Variants in PTPRN2 observed in about 807,000 individuals in gnomAD.
PTPRN2 encodes the protein protein tyrosine phosphatase receptor type N2, also known as receptor-type tyrosine-protein phosphatase N2.
A neutral mutation model predicts 118.8 loss-of-function variants in PTPRN2; 74 were observed. The observed-to-expected ratio is 0.62, with a 90% CI of 0.52 to 0.76. The LOEUF (loss-of-function observed/expected upper bound fraction) is 0.76. PTPRN2 is among the 30% of genes least tolerant of loss of function. The pLI, the probability that PTPRN2 is intolerant of heterozygous loss-of-function variation, is 0.00. For synonymous variants in PTPRN2, 641 were observed against 608.0 expected (o/e 1.05, Z -0.80); for missense variants, 1,481 against 1,394.4 (o/e 1.06, Z -0.99).
intron 3 of PTPRN2, among the ~76,000 whole-genome samples, chr7:158,298,992 AG>A (rs1800684828): frequency 6.6e-6 from 1 of 152,192 alleles, no homozygotes. Flanking sequence ...GGAACCGCAC[AG>A]GAAGGAGGGT....
intron 18 of PTPRN2, 136 bp from the exon 19 acceptor site, chr7:157,576,915 GT>G: frequency 2.2e-6 from 2 of 920,034 alleles, no homozygotes; most frequent in Non-Finnish European, 3.2e-6. Context: ...TACAGCGCAG[GT>G]GGGTTCCCTC....
At chr7:158,171,481 T>A (rs941946929) in intron 5 of PTPRN2, among the ~76,000 whole-genome samples, 1 of 151,644 alleles carries the variant, frequency 6.6e-6, no homozygotes, top group Non-Finnish European at 1.5e-5. Context: ...CCTGAGCAGC[T>A]GGGATTACAG....
At chr7:157,980,019 CA>C (rs1356822304) in intron 11 of PTPRN2, among the ~76,000 whole-genome samples, 1 of 152,198 alleles carries the variant, frequency 6.6e-6, no homozygotes, top group Admixed American at 6.5e-5. Flanking sequence ...AAGGATCCCC[CA>C]AAAGCCTCAT....
intron 2 of PTPRN2, among the ~76,000 whole-genome samples, chr7:158,422,955 G>T (rs1377374): frequency 0.43 from 65,472 of 152,120 alleles, 14,701 homozygotes; most frequent in Non-Finnish European, 0.49. Flanking sequence ...GCTCTCCAGA[G>T]ATAAAGCGAG....
intron 11 of PTPRN2, among the ~76,000 whole-genome samples, chr7:158,014,293 C>A (rs1289488293): frequency 6.7e-6 from 1 of 150,326 alleles, no homozygotes; most frequent in Non-Finnish European, 1.5e-5. Flanking sequence ...TCTATGCATT[C>A]ATCAACCAGC....
intron 11 of PTPRN2, among the ~76,000 whole-genome samples, chr7:157,983,813 G>A (rs1208846793): frequency 6.6e-6 from 1 of 151,986 alleles, no homozygotes. Context: ...AAATTGTCTG[G>A]ACGTAATGCA....
chr7:158,134,244 G>A (rs1585561568), intron 8 of PTPRN2, among the ~76,000 whole-genome samples, 185 bp from the exon 9 acceptor site: 2 of 152,262 alleles, frequency 1.3e-5, no homozygotes, highest in East Asian at 1.9e-4. Context: ...AGCATGAGGT[G>A]TGAGGGCGCT....
intron 3 of PTPRN2, among the ~76,000 whole-genome samples, chr7:158,215,185 A>G (rs1459740408): frequency 6.6e-6 from 1 of 152,248 alleles, no homozygotes; most frequent in African/African-American, 2.4e-5. Flanking sequence ...ATAAAAGCCA[A>G]ATTGAAATAT....
intron 12 of PTPRN2, among the ~76,000 whole-genome samples, chr7:157,775,316 CA>C (rs1563094997): frequency 6.6e-6 from 1 of 152,220 alleles, no homozygotes; most frequent in African/African-American, 2.4e-5. Flanking sequence ...CACCCAAATT[CA>C]TGAGCCGCAG....
chr7:158,049,182 G>A (rs796309978), intron 11 of PTPRN2, among the ~76,000 whole-genome samples: 2 of 27,308 alleles, frequency 7.3e-5, no homozygotes, highest in East Asian at 2.4e-3. Context: ...TGCCACCATC[G>A]CCATCAACAG....
At chr7:157,761,269 C>CA (rs1466204418) in intron 12 of PTPRN2, among the ~76,000 whole-genome samples, 1 of 152,014 alleles carries the variant, frequency 6.6e-6, no homozygotes, top group African/African-American at 2.4e-5. Flanking sequence ...CATATGGAAT[C>CA]AAAAAAGAGC....
chr7:157,849,338 C>T (rs541132914), intron 12 of PTPRN2, among the ~76,000 whole-genome samples: 198 of 152,242 alleles, frequency 1.3e-3, no homozygotes, highest in African/African-American at 3.9e-3. Flanking sequence ...CCGGAAGTTG[C>T]GATTCATGTC....
rs1386301441 is a variant in PTPRN2 at position 157,560,736 on chromosome 7, A to T, written c.2902+8166T>A. The stretch of plus-strand genomic sequence containing the variant: ...CCCCTTCCCTCCTCCCACCTCACCC[A>T]ATTCTGGGCACTTTTTCAGCCTGAA... On this transcript the variant is annotated intron_variant, in intron 21 of 22. Transcript: ENST00000389418. The surrounding 1 kb of genome is among the most constrained non-coding windows in gnomAD (Gnocchi z 6.7). 6.6e-6 allele frequency among the ~76,000 whole-genome samples: 1 copy of T among 152,096 alleles called. No homozygotes were observed. Among genetic ancestry groups the T allele is most frequent in the East Asian group, 1.9e-4 (1 of 5,182 alleles).
chr7:158,468,947 A>C lies in PTPRN2; in HGVS notation c.163+20788T>G, dbSNP rs1264971229. 1.3e-3 allele frequency among the ~76,000 whole-genome samples: 130 copies of C among 103,064 alleles called. 1 individual carries two copies. Among genetic ancestry groups the C allele is most frequent in the African/African-American group, 4.3e-3 (124 of 28,578 alleles). 67.6% of individuals were successfully genotyped at this position (103,064 alleles called of 152,430 possible). On this transcript the variant is annotated intron_variant, in intron 2 of 22. Coordinates refer to ENST00000389418, the MANE Select transcript of PTPRN2 (RefSeq NM_002847.5). ...CTCCTGGTGGATCAACAGTAGGCACACCCACACACACTCCGGGTGGATCAA... is the reference window on the plus strand; with the variant it reads ...CTCCTGGTGGATCAACAGTAGGCACCCCCACACACACTCCGGGTGGATCAA...
chr7:157,953,085 C>T lies in PTPRN2; in HGVS notation c.1724-54348G>A, dbSNP rs542815082. Among the ~76,000 whole-genome samples the T allele has an allele frequency of 6.6e-6, 1 of 152,226 alleles. No homozygotes were observed. Among genetic ancestry groups the T allele is most frequent in the South Asian group, 2.1e-4 (1 of 4,816 alleles). On this transcript the variant is annotated intron_variant, in intron 11 of 22. Coordinates refer to ENST00000389418, the MANE Select transcript of PTPRN2 (RefSeq NM_002847.5). The surrounding 1 kb of genome is among the most constrained non-coding windows in gnomAD (Gnocchi z 4.6). ...TGACCACAGGGTGAGCCGTCCAGTG[C>T]CAGGAACCACCGGACCCACGGGGTG...
chr7:157,883,379 T>TGGAGA (rs1289150267), intron 12 of PTPRN2, among the ~76,000 whole-genome samples: 1 of 137,366 alleles, frequency 7.3e-6, no homozygotes, highest in African/African-American at 2.8e-5. Flanking sequence ...AAATGACTGT[T>TGGAGA]GGAGAAGAGA....
chr7:157,935,734 T>A (rs1254722853), intron 11 of PTPRN2, among the ~76,000 whole-genome samples: 1 of 152,238 alleles, frequency 6.6e-6, no homozygotes, highest in Non-Finnish European at 1.5e-5. Context: ...AGTCCACTCC[T>A]TGCTTTTAAA....
At chr7:157,713,780 CG>C (rs1459377222) in intron 12 of PTPRN2, among the ~76,000 whole-genome samples, 2 of 152,228 alleles carry the variant, frequency 1.3e-5, no homozygotes, top group African/African-American at 4.8e-5. Context: ...GCTACGGACA[CG>C]GAGCCACAGA....
At chr7:157,660,205 G>A (rs1795821885) in intron 13 of PTPRN2, among the ~76,000 whole-genome samples, 1 of 152,176 alleles carries the variant, frequency 6.6e-6, no homozygotes. Flanking sequence ...AGGGAACCCA[G>A]AGGGTCCGAG....
Sources: gnomAD v4.1 joint callset for allele counts (sites outside exome capture counted in the v4.1 genomes callset) on GRCh38, gnomAD v4.1.1 for gene constraint, Gnocchi (gnomAD v3.1) non-coding constraint, MANE v1.5 for transcripts, NCBI Gene and HGNC (gene_info 2026-07-23, HGNC 2026-07-21) for gene names.